The following KLF12 variants were observed in gnomAD, a reference collection of about 807,000 sequenced individuals.
KLF12 encodes Krueppel-like factor 12.
KLF12 carries 9 observed loss-of-function variants against 37.8 expected under a neutral mutation model. The observed-to-expected ratio is 0.24, with a 90% CI of 0.14 to 0.42. KLF12 has a LOEUF of 0.42. KLF12 is among the 10% of genes least tolerant of loss of function. The pLI, the probability that KLF12 is intolerant of heterozygous loss-of-function variation, is 1.00. For synonymous variants in KLF12, 208 were observed against 202.1 expected, an observed-to-expected ratio of 1.03 and a Z score of -0.25; for missense variants, 411 against 516.0, an observed-to-expected ratio of 0.80 and a Z score of 1.97.
chr13:74,266,444 G>T, the KLF12 span, among the ~76,000 whole-genome samples: 4 of 152,120 alleles, frequency 2.6e-5, no homozygotes, highest in African/African-American at 9.7e-5. Context: ...CAAGTGAAAT[G>T]CACACATACC....
the KLF12 span, among the ~76,000 whole-genome samples, chr13:74,249,382 A>ACG: frequency 6.7e-6 from 1 of 150,020 alleles, no homozygotes; most frequent in African/African-American, 2.4e-5. Flanking sequence ...ACACACACGC[A>ACG]CACCCTCACT....
At chr13:74,053,925 ATTCTGTGGGAT>A (rs1873087073) in intron 1 of KLF12, among the ~76,000 whole-genome samples, 1 of 152,216 alleles carries the variant, frequency 6.6e-6, no homozygotes, top group East Asian at 1.9e-4. Context: ...GGATAAATTC[ATTCTGTGGGAT>A]TAATGGGTAC....
chr13:73,876,152 TAAA>T (rs66733197), intron 3 of KLF12, among the ~76,000 whole-genome samples: 165 of 120,146 alleles, frequency 1.4e-3, no homozygotes, highest in African/African-American at 2.2e-3. Context: ...TCAGCTAAAA[TAAA>T]AAAAAAAAAA....
chr13:74,209,191 T>C, the KLF12 span, among the ~76,000 whole-genome samples: 1 of 152,036 alleles, frequency 6.6e-6, no homozygotes, highest in Non-Finnish European at 1.5e-5. Flanking sequence ...TCAATAGATA[T>C]TGGATTCCAT....
At chr13:74,012,487 G>T (rs555062777) in intron 1 of KLF12, among the ~76,000 whole-genome samples, 2 of 152,198 alleles carry the variant, frequency 1.3e-5, no homozygotes, top group East Asian at 3.9e-4. Flanking sequence ...TCACATCCCT[G>T]CTACATTGCT....
At chr13:74,141,350 T>C in the KLF12 span, among the ~76,000 whole-genome samples, 1 of 152,130 alleles carries the variant, frequency 6.6e-6, no homozygotes, top group Admixed American at 6.5e-5. Flanking sequence ...TAAAATGAAT[T>C]AGATAGCTGA....
chr13:74,070,015 G>GATC (rs1217723781), intron 1 of KLF12, among the ~76,000 whole-genome samples: 2 of 152,116 alleles, frequency 1.3e-5, no homozygotes, highest in African/African-American at 4.8e-5. Flanking sequence ...GAGGTGAAGA[G>GATC]ATCTATTTAA....
the KLF12 span, among the ~76,000 whole-genome samples, chr13:74,183,012 A>G: frequency 1.7e-4 from 26 of 152,270 alleles, no homozygotes; most frequent in Admixed American, 1.4e-3. Flanking sequence ...ACTTTGGAAA[A>G]TGCTGCCCCT....
At chr13:74,079,101 C>A (rs1036699462) in intron 1 of KLF12, among the ~76,000 whole-genome samples, 2 of 152,094 alleles carry the variant, frequency 1.3e-5, no homozygotes, top group South Asian at 2.1e-4. Context: ...TCAAATGTTG[C>A]ACAAGGTATT....
At chr13:74,059,756 T>C (rs988805754) in intron 1 of KLF12, among the ~76,000 whole-genome samples, 4 of 152,252 alleles carry the variant, frequency 2.6e-5, no homozygotes, top group African/African-American at 9.6e-5. Context: ...ATTATTTCTT[T>C]TGCTGTGCAG....
At chr13:74,239,135 G>A in the KLF12 span, among the ~76,000 whole-genome samples, 3 of 144,874 alleles carry the variant, frequency 2.1e-5, no homozygotes, top group Non-Finnish European at 4.6e-5. Flanking sequence ...ATTCTGGTAT[G>A]TTGTGTCTTT....
chr13:73,747,579 T>C (rs190803158), intron 6 of KLF12, among the ~76,000 whole-genome samples: 1 of 152,336 alleles, frequency 6.6e-6, no homozygotes, highest in East Asian at 1.9e-4. Flanking sequence ...GTCATGGCTG[T>C]ACATAAATGA....
At chr13:73,941,438 G>T (rs1307084624) in intron 3 of KLF12, among the ~76,000 whole-genome samples, 1 of 152,138 alleles carries the variant, frequency 6.6e-6, no homozygotes, top group African/African-American at 2.4e-5. Flanking sequence ...ACATGTGAGT[G>T]TAATTATTTA....
chr13:73,969,738 C>CTTGA (rs1891276798), intron 2 of KLF12, among the ~76,000 whole-genome samples: 2 of 152,210 alleles, frequency 1.3e-5, no homozygotes, highest in African/African-American at 2.4e-5. Context: ...AATAAGTATT[C>CTTGA]AAGACATACA....
chr13:73,970,245 A>G (rs1891292013), intron 2 of KLF12, among the ~76,000 whole-genome samples: 1 of 152,214 alleles, frequency 6.6e-6, no homozygotes, highest in South Asian at 2.1e-4. Context: ...CTTATCTCTA[A>G]AAATGGAGAT....
intron 2 of KLF12, among the ~76,000 whole-genome samples, chr13:73,963,789 A>G (rs902282049): frequency 6.6e-6 from 1 of 152,248 alleles, no homozygotes; most frequent in Non-Finnish European, 1.5e-5. Context: ...ATCTAAATGT[A>G]ATTACTTGAA....
intron 6 of KLF12, among the ~76,000 whole-genome samples, chr13:73,753,173 G>A (rs962792540): frequency 2.0e-5 from 3 of 151,868 alleles, no homozygotes; most frequent in South Asian, 4.2e-4. Context: ...CCCAGACTGC[G>A]GACTACATGT....
chr13:74,137,723 G>T (rs759917345), upstream of KLF12, among the ~76,000 whole-genome samples: 1 of 152,008 alleles, frequency 6.6e-6, no homozygotes, highest in African/African-American at 2.4e-5. Flanking sequence ...TGTAAAATTA[G>T]TGGTTAGAAA....
intron 4 of KLF12, among the ~76,000 whole-genome samples, chr13:73,827,145 C>T (rs1042970137): frequency 1.3e-5 from 2 of 152,180 alleles, no homozygotes; most frequent in Non-Finnish European, 2.9e-5. Flanking sequence ...TATTCATACT[C>T]TTTCATTTAA....
Sources: gnomAD v4.1 joint callset for allele counts (sites outside exome capture counted in the v4.1 genomes callset) on GRCh38, gnomAD v4.1.1 for gene constraint, MANE v1.5 for transcripts, NCBI Gene and HGNC (gene_info 2026-07-23, HGNC 2026-07-21) for gene names.